The following RHBDL2 variants were observed in gnomAD, a reference collection of about 807,000 sequenced individuals.
The protein encoded by RHBDL2 is rhomboid like 2.
A neutral mutation model predicts 31.7 loss-of-function variants in RHBDL2; 26 were observed. The observed-to-expected ratio is 0.82, with a 90% confidence interval of 0.60 to 1.14. The LOEUF is 1.14. Among genes scored for constraint, RHBDL2 ranks in the 50% most tolerant of loss-of-function variants. The pLI is 0.00. For synonymous variants in RHBDL2, 123 were observed against 127.2 expected (o/e 0.97, Z 0.22); for missense variants, 336 against 364.4 (o/e 0.92, Z 0.63).
intron 6 of RHBDL2, among the ~76,000 whole-genome samples, chr1:38,888,589 C>T (rs1642815639): frequency 6.6e-6 from 1 of 152,018 alleles, no homozygotes; most frequent in South Asian, 2.1e-4. Context: ...AGAGGGAAGA[C>T]CAAGTACAAA....
At position 38,896,031 on chromosome 1, in the gene RHBDL2, G is replaced by A. The variant is rs1435941739; in HGVS notation, c.547C>T (p.Leu183Phe). ...ASSIFDPLRY[L>F]VGASGGVYAL... ...TAGACTCCTCCTGAAGCTCCCACAAGATATCTGAGTGGGTCAAAGATGGAG... is the reference window on the plus strand; with the variant it reads ...TAGACTCCTCCTGAAGCTCCCACAAAATATCTGAGTGGGTCAAAGATGGAG... Residue 183 changes from leucine (L) to phenylalanine (F), a missense_variant, in exon 5 of 8, where the codon CTT (leucine) becomes TTT (phenylalanine). Transcript: ENST00000372990. The A allele has an allele frequency of 1.9e-6, 3 of 1,613,706 alleles. No individual in the cohort carries two copies. In the Admixed American group the frequency reaches 5.0e-5, roughly 27 times the overall value.
chr1:38,897,485 T>C (rs1448033691), intron 4 of RHBDL2, among the ~76,000 whole-genome samples: 1 of 152,136 alleles, frequency 6.6e-6, no homozygotes, highest in Non-Finnish European at 1.5e-5. Flanking sequence ...GGCAGGAGAT[T>C]GCTTGAGGCC....
At chr1:38,922,339 C>A (rs1410108456) in intron 1 of RHBDL2, among the ~76,000 whole-genome samples, 1 of 121,590 alleles carries the variant, frequency 8.2e-6, no homozygotes, top group Non-Finnish European at 1.6e-5. Flanking sequence ...AGGATCACGG[C>A]TCATTGCAGC....
At chr1:38,914,973 G>A (rs906925948) in intron 3 of RHBDL2, among the ~76,000 whole-genome samples, 5 of 144,452 alleles carry the variant, frequency 3.5e-5, no homozygotes, top group Non-Finnish European at 6.1e-5. Flanking sequence ...AGGTTGCAGT[G>A]AGCCGAGATC....
chr1:38,908,347 T>C (rs1557613837), intron 4 of RHBDL2, among the ~76,000 whole-genome samples: 2 of 151,450 alleles, frequency 1.3e-5, no homozygotes, highest in East Asian at 3.9e-4. Context: ...ACCCTGTCTC[T>C]ACTAAAAATA....
intron 1 of RHBDL2, among the ~76,000 whole-genome samples, chr1:38,924,614 C>A (rs957506041): frequency 6.6e-6 from 1 of 151,456 alleles, no homozygotes; most frequent in East Asian, 2.0e-4. Flanking sequence ...CAAGGAAACA[C>A]GGAAGGAACT....
Position 38,919,144 on chromosome 1 carries a change from C to A in RHBDL2, c.69G>T (p.Glu23Asp). 2 of 1,614,148 alleles carry A rather than the reference C, an allele frequency of 1.2e-6. No homozygotes were observed. Among genetic ancestry groups the A allele is most frequent in the Non-Finnish European group, 1.7e-6 (2 of 1,180,036 alleles). ...CTCTCATTTTCTCCTCTTCCTCCAG[C>A]TCTTCTTTCATCTCTCTCCCCATAT... ...NLNMGREMKE[E>D]LEEEEKMRED... is the part of the protein sequence containing the mutation. Residue 23 changes from glutamate to aspartate, a missense_variant, in exon 2 of 8, where the codon GAG (glutamate) becomes GAT (aspartate). Glu to Asp is a conservative substitution (Grantham distance 45). Coordinates refer to ENST00000372990, the MANE Select transcript of RHBDL2 (RefSeq NM_017821.5).
intron 6 of RHBDL2, 134 bp downstream of exon 6, chr1:38,893,030 A>G: frequency 6.1e-6 from 3 of 492,102 alleles, no homozygotes; most frequent in Non-Finnish European, 1.1e-5. Flanking sequence ...TACTTCAGAC[A>G]TACCATAGAC....
At chr1:38,929,468 G>A (rs766625000) in intron 1 of RHBDL2, 266 of 1,289,372 alleles carry the variant, frequency 2.1e-4, no homozygotes, top group Non-Finnish European at 1.2e-4. Context: ...TTCCATGGCA[G>A]ACACTTTTAG....
rs116667886 is a variant in RHBDL2, at chr1:38,935,104, T to C, written c.-126+6578A>G. Among the ~76,000 whole-genome samples, 441 of 152,304 alleles carry C rather than the reference T, an allele frequency of 2.9e-3. 3 individuals are homozygous for C. The highest frequency in any genetic ancestry group is 0.01 in the African/African-American group (423 of 41,548). On this transcript the variant is annotated intron_variant, in intron 1 of 7. Coordinates refer to ENST00000372990, the MANE Select transcript of RHBDL2 (RefSeq NM_017821.5). ...TTGTTAGAGACATGTTTTAAATACA[T>C]TTTCATCCAAACCTTAGAGCTACAG...
At chr1:38,927,486 T>C (rs1643391676) in intron 1 of RHBDL2, among the ~76,000 whole-genome samples, 1 of 152,106 alleles carries the variant, frequency 6.6e-6, no homozygotes, top group Non-Finnish European at 1.5e-5. Context: ...GCCGCACCAC[T>C]TCCATTATCA....
At chr1:38,906,673 C>CAA (rs200610097) in intron 4 of RHBDL2, among the ~76,000 whole-genome samples, 108 of 138,632 alleles carry the variant, frequency 7.8e-4, no homozygotes, top group African/African-American at 2.3e-3. Flanking sequence ...CACTCCATCT[C>CAA]AAAAAAAAAA....
chr1:38,929,515 C>T, intron 1 of RHBDL2: 2 of 1,289,442 alleles, frequency 1.6e-6, no homozygotes, highest in Non-Finnish European at 1.0e-6. Flanking sequence ...TGCATTCAAA[C>T]AGGGAGGTTT....
At chr1:38,889,255 G>A (rs1380683906) in intron 6 of RHBDL2, among the ~76,000 whole-genome samples, 2 of 151,980 alleles carry the variant, frequency 1.3e-5, no homozygotes, top group East Asian at 1.9e-4. Flanking sequence ...CACTATGCCC[G>A]GTTAATTTTT....
Position 38,897,959 on chromosome 1 carries a change from C to T in RHBDL2, c.509-1890G>A, listed in dbSNP as rs111789619. 9.5e-3 allele frequency among the ~76,000 whole-genome samples: 1,450 copies of T among 152,076 alleles called. 27 individuals carry two copies. Among genetic ancestry groups the T allele is most frequent in the African/African-American group, 0.033 (1,377 of 41,468 alleles). ...CAGCCTGGGCAACATGGCGAAACCC[C>T]ATCTCCACTAAAAATACAAAAATTA... On this transcript the variant is annotated intron_variant, in intron 4 of 7. Transcript: ENST00000372990.
chr1:38,924,312 G>C (rs1557621441), intron 1 of RHBDL2, among the ~76,000 whole-genome samples: 2 of 151,980 alleles, frequency 1.3e-5, no homozygotes, highest in Admixed American at 6.6e-5. Context: ...AGGAAACACA[G>C]GGCTGGGCAC....
intron 1 of RHBDL2, among the ~76,000 whole-genome samples, chr1:38,929,996 G>A (rs748918216): frequency 4.6e-5 from 7 of 152,264 alleles, no homozygotes; most frequent in East Asian, 3.9e-4. Context: ...ACAAACCCCC[G>A]TTTCCAAAAG....
intron 6 of RHBDL2, among the ~76,000 whole-genome samples, chr1:38,888,471 A>G (rs1373804228): frequency 6.6e-6 from 1 of 152,206 alleles, no homozygotes; most frequent in African/African-American, 2.4e-5. Context: ...CCAGTTGTCG[A>G]GTGTGATTTC....
At chr1:38,934,957 CAA>C (rs34194396) in intron 1 of RHBDL2, among the ~76,000 whole-genome samples, 23,112 of 148,536 alleles carry the variant, frequency 0.16, 3,743 homozygotes, top group African/African-American at 0.41. Context: ...GGCTCAGTCG[CAA>C]AAAAAAAAAA....
Sources: allele counts gnomAD v4.1 joint callset (sites outside exome capture counted in the v4.1 genomes callset), GRCh38; gene constraint gnomAD v4.1.1; transcripts MANE v1.5; gene names NCBI Gene and HGNC (gene_info 2026-07-23, HGNC 2026-07-21).